Variants in SLC8A1 observed in about 807,000 individuals in gnomAD.
SLC8A1 encodes solute carrier family 8 member A1, also known as sodium/calcium exchanger 1.
Under a neutral mutation model 68.3 loss-of-function variants are expected in SLC8A1, and 18 were observed. The observed-to-expected ratio is 0.26, with a 90% CI of 0.18 to 0.39. The LOEUF is 0.39. SLC8A1 is among the 10% of genes least tolerant of loss of function. The probability of loss-of-function intolerance (pLI) is 1.00; values close to 1 mark genes in which losing one functional copy is unlikely to be tolerated. For synonymous variants in SLC8A1, 475 were observed against 415.5 expected, an observed-to-expected ratio of 1.14 and a Z score of -1.74; for missense variants, 985 against 1,156.7, an observed-to-expected ratio of 0.85 and a Z score of 2.15.
intron 2 of SLC8A1, among the ~76,000 whole-genome samples, chr2:40,196,625 T>C (rs878899652): frequency 1.3e-5 from 2 of 152,048 alleles, no homozygotes; most frequent in African/African-American, 4.8e-5. Context: ...GATCCATCAA[T>C]TGGTGTTAGG....
At chr2:40,197,022 A>C (rs936378350) in intron 2 of SLC8A1, among the ~76,000 whole-genome samples, 6 of 152,024 alleles carry the variant, frequency 3.9e-5, no homozygotes, top group African/African-American at 1.4e-4. Flanking sequence ...TAACTTGTAT[A>C]ATTTTCCATT....
chr2:40,437,553 C>T (rs1015484314), intron 1 of SLC8A1, among the ~76,000 whole-genome samples: 1 of 152,054 alleles, frequency 6.6e-6, no homozygotes, highest in African/African-American at 2.4e-5. Context: ...TAGCAGTAAG[C>T]AAGCAAAACT....
chr2:40,367,568 C>G (rs138915747), intron 2 of SLC8A1, among the ~76,000 whole-genome samples: 1 of 151,788 alleles, frequency 6.6e-6, no homozygotes, highest in African/African-American at 2.4e-5. Flanking sequence ...TATTGAAAAC[C>G]GACAACCCAC....
exon 2 of SLC8A1, chr2:40,428,911 T>C (rs1697594135): frequency 6.2e-7 from 1 of 1,613,722 alleles, no homozygotes. Context: ...AGTAAATTCA[T>C]AATCAGACCC....
intron 2 of SLC8A1, among the ~76,000 whole-genome samples, chr2:40,325,461 G>C (rs1162856291): frequency 2.0e-5 from 3 of 152,152 alleles, no homozygotes; most frequent in Admixed American, 6.5e-5. Context: ...ACATTTTCTA[G>C]AAACTCATTA....
At chr2:40,274,286 G>A (rs1282999647) in intron 2 of SLC8A1, among the ~76,000 whole-genome samples, 1 of 150,866 alleles carries the variant, frequency 6.6e-6, no homozygotes, top group African/African-American at 2.4e-5. Context: ...AATGTATTGA[G>A]TAATCCGAAC....
At chr2:40,117,520 A>G (rs75325621) in intron 7 of SLC8A1, among the ~76,000 whole-genome samples, 6 of 150,504 alleles carry the variant, frequency 4.0e-5, no homozygotes, top group Non-Finnish European at 7.4e-5. Flanking sequence ...ACCCGTGACC[A>G]TGCCACTGCA....
intron 2 of SLC8A1, among the ~76,000 whole-genome samples, chr2:40,293,868 T>C (rs1219112749): frequency 6.6e-6 from 1 of 152,192 alleles, no homozygotes; most frequent in African/African-American, 2.4e-5. Context: ...CTTGTAACAT[T>C]ACTGAGTCAG....
chr2:40,460,018 C>T (rs1000894015), intron 1 of SLC8A1, among the ~76,000 whole-genome samples: 10 of 151,884 alleles, frequency 6.6e-5, no homozygotes, highest in African/African-American at 1.2e-4. Context: ...TGTTATTTAA[C>T]GTCAATGGTG....
chr2:40,308,675 C>T (rs2073119595), intron 2 of SLC8A1, among the ~76,000 whole-genome samples: 1 of 151,966 alleles, frequency 6.6e-6, no homozygotes, highest in Non-Finnish European at 1.5e-5. Context: ...TAAAAACAAA[C>T]CTCTAAAGGT....
intron 2 of SLC8A1, among the ~76,000 whole-genome samples, chr2:40,257,686 T>C (rs1478451878): frequency 6.6e-6 from 1 of 152,218 alleles, no homozygotes; most frequent in Non-Finnish European, 1.5e-5. Flanking sequence ...CATAAATAGA[T>C]AATTTCCCAA....
chr2:40,411,170 AG>A (rs1212379277), intron 2 of SLC8A1, among the ~76,000 whole-genome samples: 4 of 152,078 alleles, frequency 2.6e-5, no homozygotes, highest in Admixed American at 2.0e-4. Flanking sequence ...ATAATTTCAA[AG>A]GGCATTTTAA....
At chr2:40,358,942 T>C (rs1377786690) in intron 2 of SLC8A1, among the ~76,000 whole-genome samples, 2 of 152,006 alleles carry the variant, frequency 1.3e-5, no homozygotes, top group Admixed American at 6.6e-5. Flanking sequence ...GCTTTGTACC[T>C]GAGAGGAAAA....
chr2:40,114,742 G>A (rs180697392), exon 8 of SLC8A1: 1 of 152,352 alleles, frequency 6.6e-6, no homozygotes, highest in East Asian at 1.9e-4. Flanking sequence ...TCCATGCCCA[G>A]ATTTTTTCTT....
intron 2 of SLC8A1, among the ~76,000 whole-genome samples, chr2:40,237,671 G>A (rs2060583822): frequency 6.6e-6 from 1 of 152,124 alleles, no homozygotes; most frequent in South Asian, 2.1e-4. Context: ...TTTGGAGGAG[G>A]AGAGGCGCTC....
intron 2 of SLC8A1, among the ~76,000 whole-genome samples, chr2:40,426,590 G>C (rs1696911379): frequency 5.9e-5 from 9 of 152,018 alleles, no homozygotes; most frequent in Admixed American, 5.9e-4. Context: ...AGAATAGATA[G>C]GGAAAGACTG....
chr2:40,348,623 G>A (rs536923694), intron 2 of SLC8A1, among the ~76,000 whole-genome samples: 152 of 152,324 alleles, frequency 1.0e-3, no homozygotes, highest in African/African-American at 3.4e-3. Context: ...AGGGTTGGCT[G>A]TGTTCTCAGA....
chr2:40,344,589 A>G (rs555820140), intron 2 of SLC8A1, among the ~76,000 whole-genome samples: 68 of 152,296 alleles, frequency 4.5e-4, no homozygotes, highest in Non-Finnish European at 7.6e-4. Flanking sequence ...TCTGGGAGAA[A>G]TGTACTCAAA....
At chr2:40,106,700 T>C (rs910516424) in exon 8 of SLC8A1, 1 of 152,288 alleles carries the variant, frequency 6.6e-6, no homozygotes, top group Admixed American at 6.5e-5. Flanking sequence ...ACAATAACAG[T>C]TGTAGTTAAA....
Sources: allele counts gnomAD v4.1 joint callset (sites outside exome capture counted in the v4.1 genomes callset), GRCh38; gene constraint gnomAD v4.1.1; transcripts MANE v1.5; gene names NCBI Gene and HGNC (gene_info 2026-07-23, HGNC 2026-07-21).